The following MARCHF1 variants were observed in gnomAD, a reference collection of about 807,000 sequenced individuals.
The protein encoded by MARCHF1 is membrane associated ring-CH-type finger 1.
A neutral mutation model predicts 54.2 loss-of-function variants in MARCHF1; 40 were observed. The observed-to-expected ratio is 0.74, with a 90% confidence interval of 0.57 to 0.96. MARCHF1 has a LOEUF of 0.96. Ranked by LOEUF, MARCHF1 falls within the 40% of genes least tolerant of loss-of-function variation. The pLI is 0.00. For missense variants in MARCHF1, 586 were observed against 656.5 expected, an observed-to-expected ratio of 0.89 and a Z score of 1.17; for synonymous variants, 236 against 236.3, an observed-to-expected ratio of 1.00 and a Z score of 0.01.
chr4:164,190,076 T>C, intron 1 of MARCHF1: 3 of 1,415,986 alleles, frequency 2.1e-6, no homozygotes, highest in Non-Finnish European at 2.0e-6. Context: ...TGGAAAGCTA[T>C]GGCTATTCTC....
intron 1 of MARCHF1, among the ~76,000 whole-genome samples, chr4:164,121,438 G>A (rs939722516): frequency 6.6e-5 from 10 of 152,024 alleles, no homozygotes; most frequent in African/African-American, 1.2e-4. Context: ...AAGAAAACAC[G>A]TCCTTCTTCA....
chr4:163,607,048 T>A (rs1457407142), intron 7 of MARCHF1, among the ~76,000 whole-genome samples: 2 of 152,028 alleles, frequency 1.3e-5, no homozygotes, highest in Non-Finnish European at 2.9e-5. Flanking sequence ...ATATAGGAAG[T>A]TTGTCTGCAG....
intron 2 of MARCHF1, among the ~76,000 whole-genome samples, chr4:164,108,241 A>G (rs1755751091): frequency 6.6e-6 from 1 of 152,146 alleles, no homozygotes; most frequent in South Asian, 2.1e-4. Context: ...GAGGATTTCA[A>G]TACCTTTAAA....
chr4:163,550,080 C>T (rs1254652275), intron 8 of MARCHF1, among the ~76,000 whole-genome samples: 2 of 152,006 alleles, frequency 1.3e-5, no homozygotes, highest in East Asian at 3.9e-4. Context: ...CGCAGGAGTT[C>T]GCCACCAACC....
At chr4:163,639,104 A>G (rs1424218981) in intron 5 of MARCHF1, among the ~76,000 whole-genome samples, 2 of 152,144 alleles carry the variant, frequency 1.3e-5, no homozygotes, top group Non-Finnish European at 1.5e-5. Context: ...GAGTGCTGGA[A>G]TTTGATTACA....
chr4:163,733,446 CT>C (rs577218275), intron 4 of MARCHF1, among the ~76,000 whole-genome samples: 16 of 144,462 alleles, frequency 1.1e-4, no homozygotes, highest in South Asian at 4.4e-4. Context: ...ATCTAGCCTT[CT>C]TTTTTTTTAA....
intron 3 of MARCHF1, among the ~76,000 whole-genome samples, chr4:163,856,692 C>A (rs759064451): frequency 1.3e-5 from 2 of 152,148 alleles, no homozygotes; most frequent in African/African-American, 2.4e-5. Context: ...ACAGCATCAT[C>A]TCCTGGAGAA....
At chr4:164,065,587 A>T (rs1362501046) in intron 2 of MARCHF1, among the ~76,000 whole-genome samples, 1 of 152,236 alleles carries the variant, frequency 6.6e-6, no homozygotes, top group Non-Finnish European at 1.5e-5. Context: ...ATATATATAT[A>T]CATGAAAAGG....
intron 7 of MARCHF1, among the ~76,000 whole-genome samples, chr4:163,608,181 T>C (rs1741205614): frequency 6.6e-6 from 1 of 152,114 alleles, no homozygotes; most frequent in African/African-American, 2.4e-5. Flanking sequence ...CAATTAAAAG[T>C]TATGCTATGG....
At chr4:164,153,140 A>T (rs1729989649) in intron 1 of MARCHF1, among the ~76,000 whole-genome samples, 1 of 148,410 alleles carries the variant, frequency 6.7e-6, no homozygotes, top group African/African-American at 2.5e-5. Flanking sequence ...ATATATATAA[A>T]CTGGCATTTT....
intron 7 of MARCHF1, among the ~76,000 whole-genome samples, chr4:163,610,480 A>G (rs1741301154): frequency 6.6e-6 from 1 of 152,040 alleles, no homozygotes; most frequent in Non-Finnish European, 1.5e-5. Flanking sequence ...AGTCACTACG[A>G]CTTTAATTGC....
chr4:164,088,490 T>C (rs894965540), intron 2 of MARCHF1, among the ~76,000 whole-genome samples: 2 of 152,116 alleles, frequency 1.3e-5, no homozygotes, highest in South Asian at 4.1e-4. Flanking sequence ...GTAGTCCTAG[T>C]GCTTTGGGAG....
At chr4:164,247,493 A>G (rs1289307321) in intron 1 of MARCHF1, among the ~76,000 whole-genome samples, 2 of 151,652 alleles carry the variant, frequency 1.3e-5, no homozygotes, top group African/African-American at 2.4e-5. Context: ...GCATTGGGAG[A>G]TATACCTAAT....
chr4:164,335,678 C>T (rs1040569874), intron 1 of MARCHF1, among the ~76,000 whole-genome samples: 1 of 140,844 alleles, frequency 7.1e-6, no homozygotes, highest in Admixed American at 7.5e-5. Context: ...GAAGCAGGAC[C>T]CTCCAGCCAC....
At chr4:163,561,544 C>A (rs1277734669) in intron 8 of MARCHF1, among the ~76,000 whole-genome samples, 1 of 152,088 alleles carries the variant, frequency 6.6e-6, no homozygotes. Flanking sequence ...AAATTGCCCT[C>A]CAGGAAAATT....
intron 1 of MARCHF1, among the ~76,000 whole-genome samples, chr4:164,162,038 AAAAG>A (rs1275137836): frequency 6.6e-6 from 1 of 152,294 alleles, no homozygotes; most frequent in East Asian, 1.9e-4. Context: ...AAAGAAATAG[AAAAG>A]AAAGACAACG....
intron 1 of MARCHF1, among the ~76,000 whole-genome samples, chr4:164,127,496 A>G (rs1756209786): frequency 2.0e-5 from 3 of 152,178 alleles, no homozygotes; most frequent in Non-Finnish European, 4.4e-5. Flanking sequence ...GGAAAATTAT[A>G]TTTCCAGATG....
At chr4:164,203,524 T>C (rs1485191471) in intron 1 of MARCHF1, among the ~76,000 whole-genome samples, 2 of 152,156 alleles carry the variant, frequency 1.3e-5, no homozygotes, top group Admixed American at 6.5e-5. Flanking sequence ...CTTGAAATGA[T>C]TGAATGAAAC....
At chr4:163,602,589 CAGG>C (rs1308705521) in intron 7 of MARCHF1, among the ~76,000 whole-genome samples, 5 of 152,050 alleles carry the variant, frequency 3.3e-5, no homozygotes, top group African/African-American at 4.8e-5. Context: ...TTAAAATCAA[CAGG>C]AGAATGGTTG....
Sources: allele counts gnomAD v4.1 joint callset (sites outside exome capture counted in the v4.1 genomes callset), GRCh38; gene constraint gnomAD v4.1.1; transcripts MANE v1.5; gene names NCBI Gene and HGNC (gene_info 2026-07-23, HGNC 2026-07-21).